The following MACROD2 variants were observed in gnomAD, a reference collection of about 807,000 sequenced individuals.
The protein encoded by MACROD2 is ADP-ribose glycohydrolase MACROD2.
A neutral mutation model predicts 70.4 loss-of-function variants in MACROD2; 36 were observed. That is an observed-to-expected ratio of 0.51 (90% CI 0.39 to 0.68). The LOEUF is 0.68. Among genes scored for constraint, MACROD2 ranks in the 30% least tolerant of loss-of-function variants. MACROD2 has a pLI of 0.00. For missense variants in MACROD2, 496 were observed against 538.4 expected, an observed-to-expected ratio of 0.92 and a Z score of 0.78; for synonymous variants, 172 against 178.8, an observed-to-expected ratio of 0.96 and a Z score of 0.30.
chr20:14,310,387 G>A (rs2082556041), intron 3 of MACROD2, among the ~76,000 whole-genome samples: 1 of 152,152 alleles, frequency 6.6e-6, no homozygotes, highest in African/African-American at 2.4e-5. Flanking sequence ...ACCAATGATG[G>A]ACTACATATA....
At chr20:15,438,543 T>C (rs2046456901) in intron 7 of MACROD2, among the ~76,000 whole-genome samples, 1 of 152,204 alleles carries the variant, frequency 6.6e-6, no homozygotes, top group Admixed American at 6.5e-5. Flanking sequence ...TTATCTCATG[T>C]AAATTTGTTT....
chr20:15,617,020 TC>T (rs1288212526), intron 8 of MACROD2, among the ~76,000 whole-genome samples: 6 of 152,216 alleles, frequency 3.9e-5, no homozygotes, highest in Admixed American at 1.3e-4. Flanking sequence ...CAGTGACTTC[TC>T]CAGGGATGTT....
At chr20:14,648,906 C>T (rs1280309022) in intron 4 of MACROD2, among the ~76,000 whole-genome samples, 2 of 152,174 alleles carry the variant, frequency 1.3e-5, no homozygotes, top group Admixed American at 6.5e-5. Flanking sequence ...AAGCTCCTTT[C>T]TCTCATCTGG....
chr20:14,978,929 A>G (rs2074771253), intron 5 of MACROD2, among the ~76,000 whole-genome samples: 1 of 144,126 alleles, frequency 6.9e-6, no homozygotes, highest in Admixed American at 7.2e-5. Flanking sequence ...ATATCATAAT[A>G]TATATCATAA....
chr20:15,806,137 T>C lies in MACROD2; in HGVS notation c.646-56608T>C, dbSNP rs187289098. 1.5e-4 allele frequency among the ~76,000 whole-genome samples: 23 copies of C among 152,312 alleles called. No individual in the cohort carries two copies. In the East Asian group the frequency reaches 3.1e-3, roughly 20 times the overall value. On this transcript the variant is annotated intron_variant, in intron 8 of 17. Coordinates refer to ENST00000684519, the MANE Select transcript of MACROD2 (RefSeq NM_001351661.2). Reference sequence around the variant, plus strand: ...TATAAAATTACTTATCTCTCTTTTCTCTGCACTGAAATCCTCCAACATGCC... The same window carrying C: ...TATAAAATTACTTATCTCTCTTTTCCCTGCACTGAAATCCTCCAACATGCC...
chr20:14,037,111 T>C (rs1171605842), intron 2 of MACROD2, among the ~76,000 whole-genome samples: 1 of 152,196 alleles, frequency 6.6e-6, no homozygotes, highest in Non-Finnish European at 1.5e-5. Context: ...AATGTAACTT[T>C]TATTTTAAAG....
chr20:14,312,125 G>T (rs1211449045), intron 3 of MACROD2, among the ~76,000 whole-genome samples: 1 of 152,068 alleles, frequency 6.6e-6, no homozygotes, highest in Non-Finnish European at 1.5e-5. Flanking sequence ...TTTGGGCACA[G>T]CTTCAACTGA....
intron 8 of MACROD2, among the ~76,000 whole-genome samples, chr20:15,674,831 T>C (rs2050034531): frequency 6.6e-6 from 1 of 152,124 alleles, no homozygotes; most frequent in South Asian, 2.1e-4. Context: ...TATAGATGTA[T>C]GCATTATTTT....
intron 8 of MACROD2, among the ~76,000 whole-genome samples, chr20:15,699,350 G>T (rs575168184): frequency 3.3e-5 from 5 of 152,152 alleles, no homozygotes; most frequent in African/African-American, 1.2e-4. Flanking sequence ...CTCTCTTCTG[G>T]GTCTAGCCAC....
At chr20:15,681,402 G>T (rs564453293) in intron 8 of MACROD2, among the ~76,000 whole-genome samples, 43 of 152,316 alleles carry the variant, frequency 2.8e-4, no homozygotes, top group East Asian at 1.9e-4. Context: ...CCTCAGAAAA[G>T]ATCACCCCCA....
chr20:15,968,678 A>G (rs1017326086), intron 13 of MACROD2, among the ~76,000 whole-genome samples: 2 of 151,090 alleles, frequency 1.3e-5, no homozygotes, highest in Non-Finnish European at 3.0e-5. Context: ...GAGAAAAAAG[A>G]CAGACTAGCT....
chr20:14,581,387 C>G (rs150201639), intron 4 of MACROD2, among the ~76,000 whole-genome samples: 2 of 152,140 alleles, frequency 1.3e-5, no homozygotes, highest in Non-Finnish European at 2.9e-5. Flanking sequence ...CAGCGTGGAG[C>G]GAAGGTTGAC....
At chr20:15,678,520 T>C (rs55908777) in intron 8 of MACROD2, among the ~76,000 whole-genome samples, 39,794 of 151,828 alleles carry the variant, frequency 0.26, 5,488 homozygotes, top group Non-Finnish European at 0.3. Context: ...CCACCATGCC[T>C]GGCTAATTTT....
At chr20:14,579,058 C>A (rs1980810483) in intron 4 of MACROD2, among the ~76,000 whole-genome samples, 1 of 150,470 alleles carries the variant, frequency 6.6e-6, no homozygotes, top group Non-Finnish European at 1.5e-5. Flanking sequence ...TATTTTAATT[C>A]AGGTATTTGC....
intron 3 of MACROD2, among the ~76,000 whole-genome samples, chr20:14,471,327 T>C (rs943337747): frequency 6.6e-6 from 1 of 152,200 alleles, no homozygotes; most frequent in Non-Finnish European, 1.5e-5. Context: ...GCCTTCTACA[T>C]TGATCTCACT....
intron 5 of MACROD2, among the ~76,000 whole-genome samples, chr20:15,005,346 A>G (rs765766140): frequency 4.6e-5 from 7 of 152,180 alleles, no homozygotes; most frequent in Admixed American, 2.0e-4. Context: ...CAAGGCATCT[A>G]TTTGTTTCAT....
At chr20:15,573,099 C>G (rs11907728) in intron 8 of MACROD2, among the ~76,000 whole-genome samples, 1,840 of 152,134 alleles carry the variant, frequency 0.012, 41 homozygotes, top group African/African-American at 0.041. Flanking sequence ...AGAAATACCC[C>G]ACCATCCTAA....
In MACROD2 at chr20:14,586,960, G is replaced by A. The variant is rs1320479359; in HGVS notation, c.301+93452G>A. On this transcript the variant is annotated intron_variant, in intron 4 of 17. Transcript: ENST00000684519. ...ATAATATATTTTTTTTCAGATAAACGTAGAAATTATTTCAAGTTTCAAAAT... is the reference window on the plus strand; with the variant it reads ...ATAATATATTTTTTTTCAGATAAACATAGAAATTATTTCAAGTTTCAAAAT... Among the ~76,000 whole-genome samples the A allele has an allele frequency of 3.3e-5, 5 of 151,698 alleles. No individual in the cohort carries two copies. The East Asian group carries it at 5.8e-4, about 18-fold the overall frequency.
At chr20:15,073,518 ATTTCT>A (rs1388301373) in intron 5 of MACROD2, among the ~76,000 whole-genome samples, 3 of 149,956 alleles carry the variant, frequency 2.0e-5, no homozygotes, top group Non-Finnish European at 4.4e-5. Flanking sequence ...CACGTACCAC[ATTTCT>A]TTTCAGTAGC....
Sources: allele counts gnomAD v4.1 joint callset (sites outside exome capture counted in the v4.1 genomes callset), GRCh38; gene constraint gnomAD v4.1.1; transcripts MANE v1.5; gene names NCBI Gene and HGNC (gene_info 2026-07-23, HGNC 2026-07-21).